The following ADGRB3 variants were observed in gnomAD, a reference collection of about 807,000 sequenced individuals.
ADGRB3 encodes the protein brain-specific angiogenesis inhibitor 3.
Under a neutral mutation model 193.4 loss-of-function variants are expected in ADGRB3, and 37 were observed. The ratio of observed to expected loss-of-function variants is 0.19; its 90% CI spans 0.15 to 0.25. The LOEUF is 0.25. Among genes scored for constraint, ADGRB3 ranks in the 10% least tolerant of loss-of-function variants. The pLI, the probability that ADGRB3 is intolerant of heterozygous loss-of-function variation, is 1.00. For missense variants in ADGRB3, 1,637 were observed against 1,852.9 expected (o/e 0.88, Z 2.14); for synonymous variants, 690 against 644.2 (o/e 1.07, Z -1.08).
Position 69,256,061 on chromosome 6 carries a change from T to C in ADGRB3, c.2814+16835T>C, listed in dbSNP as rs1766762226. ...GGCTCTGTTCTGTTCCATTGATCTA[T>C]ATCTCTGTTTTGGTACCAGTACCAT... On this transcript the variant is annotated intron_variant, in intron 20 of 31. Coordinates refer to ENST00000370598, the MANE Select transcript of ADGRB3 (RefSeq NM_001704.3). 3.3e-5 allele frequency among the ~76,000 whole-genome samples: 5 copies of C among 152,008 alleles called. No individual in the cohort carries two copies. The South Asian group carries it at 1.0e-3, about 32-fold the overall frequency.
chr6:69,265,478 C>A (rs1437612890), intron 20 of ADGRB3, among the ~76,000 whole-genome samples: 8 of 152,020 alleles, frequency 5.3e-5, no homozygotes, highest in African/African-American at 1.9e-4. Context: ...TATGGGGAAG[C>A]TGCCCAACTT....
intron 13 of ADGRB3, among the ~76,000 whole-genome samples, chr6:69,036,445 T>TA (rs995298531): frequency 2.6e-5 from 4 of 151,914 alleles, no homozygotes; most frequent in Non-Finnish European, 4.4e-5. Context: ...CCTCATCTAT[T>TA]AAAAAAAATG....
chr6:69,028,335 T>C (rs1405717714), intron 13 of ADGRB3, among the ~76,000 whole-genome samples: 1 of 152,214 alleles, frequency 6.6e-6, no homozygotes, highest in Non-Finnish European at 1.5e-5. Context: ...TTTTCGGTTT[T>C]TTTGTTTGTT....
At chr6:68,862,934 G>A (rs1219681507) in intron 3 of ADGRB3, among the ~76,000 whole-genome samples, 3 of 152,010 alleles carry the variant, frequency 2.0e-5, no homozygotes, top group African/African-American at 7.2e-5. Context: ...CAATAGAATT[G>A]AGTTATAACT....
intron 3 of ADGRB3, among the ~76,000 whole-genome samples, chr6:68,887,123 C>A (rs565146656): frequency 6.6e-6 from 1 of 151,620 alleles, no homozygotes; most frequent in Non-Finnish European, 1.5e-5. Context: ...TTCTTTATCA[C>A]CTTAGAGTAA....
At chr6:69,138,324 G>T (rs897329431) in intron 17 of ADGRB3, among the ~76,000 whole-genome samples, 4 of 152,192 alleles carry the variant, frequency 2.6e-5, no homozygotes, top group African/African-American at 9.6e-5. Context: ...GGTCTTCAGT[G>T]TTGCCAAAGT....
At chr6:68,793,673 C>T (rs1430588002) in intron 3 of ADGRB3, among the ~76,000 whole-genome samples, 5 of 152,052 alleles carry the variant, frequency 3.3e-5, no homozygotes, top group Non-Finnish European at 5.9e-5. Context: ...GAAATACAGG[C>T]GCGTGCCACC....
chr6:68,957,507 T>C (rs1311951268), intron 8 of ADGRB3, among the ~76,000 whole-genome samples: 1 of 152,196 alleles, frequency 6.6e-6, no homozygotes, highest in Non-Finnish European at 1.5e-5. Context: ...AAAGATGTGA[T>C]AGGACAGAAT....
At chr6:68,650,002 C>A (rs1363882022) in intron 3 of ADGRB3, among the ~76,000 whole-genome samples, 1 of 152,200 alleles carries the variant, frequency 6.6e-6, no homozygotes. Context: ...ACTATTCATG[C>A]TGTTGTACTT....
intron 3 of ADGRB3, among the ~76,000 whole-genome samples, chr6:68,752,771 A>T (rs1297750156): frequency 6.6e-6 from 1 of 152,188 alleles, no homozygotes; most frequent in Non-Finnish European, 1.5e-5. Context: ...TGGCATGTAC[A>T]TTACATATTT....
chr6:69,194,065 C>T (rs1358961275), intron 17 of ADGRB3, among the ~76,000 whole-genome samples: 1 of 152,054 alleles, frequency 6.6e-6, no homozygotes, highest in African/African-American at 2.4e-5. Context: ...AATCCTTAAA[C>T]TAGTGAGTTC....
chr6:69,261,984 G>A (rs1048554097), intron 20 of ADGRB3, among the ~76,000 whole-genome samples: 8 of 151,984 alleles, frequency 5.3e-5, no homozygotes, highest in African/African-American at 1.9e-4. Context: ...ATCAACATTA[G>A]CATGCTTTGC....
rs573436163 is a variant in ADGRB3, at chr6:68,863,237, A to G, written c.758-67322A>G. Among the ~76,000 whole-genome samples, 14 of 152,186 alleles carry G rather than the reference A, an allele frequency of 9.2e-5. No homozygotes were observed. The East Asian group carries it at 2.1e-3, about 23-fold the overall frequency. On this transcript the variant is annotated intron_variant, in intron 3 of 31. Transcript: ENST00000370598. ...GCCATCTATTTGGATTTTCAGAGAT[A>G]CTTTATGTTATTCAAATTCCTGAGT...
At chr6:69,158,959 T>C (rs2150343870) in intron 17 of ADGRB3, among the ~76,000 whole-genome samples, 1 of 152,204 alleles carries the variant, frequency 6.6e-6, no homozygotes, top group Non-Finnish European at 1.5e-5. Flanking sequence ...TCATCTTCTC[T>C]TATTTCCTCC....
chr6:69,347,322 G>T (rs934539673), intron 26 of ADGRB3, among the ~76,000 whole-genome samples: 1 of 152,064 alleles, frequency 6.6e-6, no homozygotes, highest in Non-Finnish European at 1.5e-5. Context: ...AAACCTGCAC[G>T]TTCTGCACAG....
At chr6:68,641,324 G>A (rs1275650802) in intron 3 of ADGRB3, among the ~76,000 whole-genome samples, 1 of 152,052 alleles carries the variant, frequency 6.6e-6, no homozygotes, top group Admixed American at 6.6e-5. Context: ...CCCGAGATGT[G>A]GGTTAAGATA....
intron 3 of ADGRB3, among the ~76,000 whole-genome samples, chr6:68,735,542 G>A (rs1220788676): frequency 6.6e-6 from 1 of 152,014 alleles, no homozygotes; most frequent in Non-Finnish European, 1.5e-5. Context: ...TAAGAATATA[G>A]TTGTGCTCAT....
At chr6:68,765,067 G>A (rs1766483778) in intron 3 of ADGRB3, among the ~76,000 whole-genome samples, 1 of 152,150 alleles carries the variant, frequency 6.6e-6, no homozygotes, top group African/African-American at 2.4e-5. Context: ...CTCAGAGTTT[G>A]TCTATAGATT....
intron 20 of ADGRB3, among the ~76,000 whole-genome samples, chr6:69,269,649 G>A (rs916180192): frequency 1.3e-5 from 2 of 152,084 alleles, no homozygotes; most frequent in Non-Finnish European, 2.9e-5. Flanking sequence ...TATCGTGACT[G>A]ATGTGCCCAC....
Sources: gnomAD v4.1 joint callset for allele counts (sites outside exome capture counted in the v4.1 genomes callset) on GRCh38, gnomAD v4.1.1 for gene constraint, MANE v1.5 for transcripts, NCBI Gene and HGNC (gene_info 2026-07-23, HGNC 2026-07-21) for gene names.